Variants in SMIM36 observed in about 807,000 individuals in gnomAD.
The protein encoded by SMIM36 is small integral membrane protein 36.
chr17:55,466,852 G>C (rs977070223), intron 4 of SMIM36, among the ~76,000 whole-genome samples: 2 of 152,184 alleles, frequency 1.3e-5, no homozygotes, highest in Non-Finnish European at 2.9e-5. Flanking sequence ...GTTCTTTTGC[G>C]TAAGTCCAAC....
intron 1 of SMIM36, among the ~76,000 whole-genome samples, chr17:55,485,431 G>A (rs1382554181): frequency 2.7e-5 from 4 of 149,728 alleles, no homozygotes; most frequent in Non-Finnish European, 5.9e-5. Context: ...GACCACAGGT[G>A]TGTTCCACCA....
chr17:55,502,005 G>A (rs1169732043), intron 1 of SMIM36, among the ~76,000 whole-genome samples: 4 of 151,470 alleles, frequency 2.6e-5, no homozygotes, highest in Non-Finnish European at 4.4e-5. Flanking sequence ...CGAATATTGC[G>A]CTTTTCAGAC....
intron 1 of SMIM36, among the ~76,000 whole-genome samples, chr17:55,501,374 A>C (rs867736756): frequency 1.2e-4 from 9 of 75,572 alleles, no homozygotes; most frequent in Admixed American, 7.3e-4. Flanking sequence ...AATATATTAT[A>C]TATTATAGAA....
At chr17:55,450,348 G>C (rs986809686) in intron 4 of SMIM36, 50 bp from the exon 5 acceptor site, 1 of 152,218 alleles carries the variant, frequency 6.6e-6, no homozygotes, top group Non-Finnish European at 1.5e-5. Flanking sequence ...CACTCATTGT[G>C]TGCTAAATTG....
chr17:55,519,739 G>C, the SMIM36 span, among the ~76,000 whole-genome samples: 1 of 152,166 alleles, frequency 6.6e-6, no homozygotes, highest in East Asian at 1.9e-4. Flanking sequence ...ATTGTGAAAA[G>C]AAGAGGCATT....
chr17:55,474,430 G>T (rs1025206788), intron 3 of SMIM36, among the ~76,000 whole-genome samples: 12 of 152,154 alleles, frequency 7.9e-5, no homozygotes, highest in African/African-American at 2.9e-4. Context: ...GCAGGCCCCC[G>T]TGGAGGATCA....
intron 3 of SMIM36, among the ~76,000 whole-genome samples, chr17:55,477,503 G>A (rs1007118172): frequency 1.3e-5 from 2 of 152,006 alleles, no homozygotes; most frequent in Non-Finnish European, 2.9e-5. Context: ...ATTAGATTAG[G>A]GCCCGCTCTA....
At chr17:55,492,915 G>A (rs1909738941) in intron 1 of SMIM36, among the ~76,000 whole-genome samples, 1 of 152,200 alleles carries the variant, frequency 6.6e-6, no homozygotes. Flanking sequence ...CCATATGCCT[G>A]AACTGAGAAC....
chr17:55,530,641 G>A, the SMIM36 span, among the ~76,000 whole-genome samples: 2 of 152,110 alleles, frequency 1.3e-5, no homozygotes, highest in Non-Finnish European at 2.9e-5. Context: ...AAATTAGCTA[G>A]GCATGGTGGC....
At chr17:55,531,126 G>C in the SMIM36 span, among the ~76,000 whole-genome samples, 1 of 152,048 alleles carries the variant, frequency 6.6e-6, no homozygotes, top group Non-Finnish European at 1.5e-5. Context: ...TCAACTTTCA[G>C]TGGCTCTCCA....
intron 4 of SMIM36, among the ~76,000 whole-genome samples, chr17:55,463,392 A>C (rs1909178957): frequency 6.6e-6 from 1 of 152,052 alleles, no homozygotes; most frequent in African/African-American, 2.4e-5. Context: ...CATCCCTAAA[A>C]AAAGAAATAA....
At chr17:55,524,159 T>C in the SMIM36 span, among the ~76,000 whole-genome samples, 1 of 152,210 alleles carries the variant, frequency 6.6e-6, no homozygotes, top group Non-Finnish European at 1.5e-5. Context: ...CATTTATAAG[T>C]GAGAACATGC....
At chr17:55,525,587 T>A in the SMIM36 span, among the ~76,000 whole-genome samples, 1 of 152,236 alleles carries the variant, frequency 6.6e-6, no homozygotes, top group African/African-American at 2.4e-5. Flanking sequence ...CAAAATAGAT[T>A]TAATTCACTG....
At chr17:55,486,705 G>A (rs1379257815) in intron 1 of SMIM36, among the ~76,000 whole-genome samples, 1 of 152,106 alleles carries the variant, frequency 6.6e-6, no homozygotes, top group Admixed American at 6.6e-5. Context: ...TCTATCCAAA[G>A]TGAACTACTG....
At chr17:55,480,538 A>G (rs553687261) in intron 1 of SMIM36, among the ~76,000 whole-genome samples, 131 of 152,250 alleles carry the variant, frequency 8.6e-4, no homozygotes, top group African/African-American at 3.1e-3. Context: ...TCACTGGTTG[A>G]TTTTTTGGGG....
chr17:55,466,104 C>G (rs765884033), intron 4 of SMIM36, among the ~76,000 whole-genome samples: 5 of 151,528 alleles, frequency 3.3e-5, no homozygotes, highest in African/African-American at 4.9e-5. Context: ...ATGGTAAAAC[C>G]CTGTCTCTAC....
chr17:55,465,181 G>A (rs1909215656), intron 4 of SMIM36, among the ~76,000 whole-genome samples: 2 of 152,140 alleles, frequency 1.3e-5, no homozygotes, highest in Admixed American at 1.3e-4. Context: ...ATTGGAGACT[G>A]TTCAAACAAA....
At chr17:55,470,914 TC>T (rs1430449687) in intron 3 of SMIM36, among the ~76,000 whole-genome samples, 1 of 152,058 alleles carries the variant, frequency 6.6e-6, no homozygotes, top group East Asian at 1.9e-4. Context: ...CTACAAATTC[TC>T]CTTACAACTC....
the SMIM36 span, among the ~76,000 whole-genome samples, chr17:55,518,967 T>C: frequency 6.6e-6 from 1 of 151,214 alleles, no homozygotes; most frequent in Non-Finnish European, 1.5e-5. Flanking sequence ...GGTGAGAATA[T>C]GAGGTTTGTT....
Sources: gnomAD v4.1 joint callset for allele counts (sites outside exome capture counted in the v4.1 genomes callset) on GRCh38, gnomAD v4.1.1 for gene constraint, MANE v1.5 for transcripts, NCBI Gene and HGNC (gene_info 2026-07-23, HGNC 2026-07-21) for gene names.